Variants in NCAPD3 observed in about 807,000 individuals in gnomAD.
The protein encoded by NCAPD3 is condensin-2 complex subunit D3.
NCAPD3 carries 105 observed loss-of-function variants against 182.9 expected under a neutral mutation model. The ratio of observed to expected loss-of-function variants is 0.57; its 90% confidence interval spans 0.49 to 0.68. The LOEUF is 0.68. NCAPD3 is among the 30% of genes least tolerant of loss of function. The pLI is 0.00. For missense variants in NCAPD3, 1,944 were observed against 1,837.0 expected (o/e 1.06, Z -1.07); for synonymous variants, 815 against 679.9 (o/e 1.20, Z -3.09).
At chr11:134,158,147 T>A in intron 30 of NCAPD3, 80 bp from the exon 31 acceptor site, 1 of 1,552,056 alleles carries the variant, frequency 6.4e-7, no homozygotes, top group Non-Finnish European at 8.8e-7. Flanking sequence ...TGTCCCCGCG[T>A]GCCTCCTCAC....
intron 27 of NCAPD3, among the ~76,000 whole-genome samples, chr11:134,165,391 G>T (rs552388273): frequency 6.7e-6 from 1 of 149,914 alleles, no homozygotes; most frequent in Non-Finnish European, 1.5e-5. Context: ...CTTCGGGGAA[G>T]GGGCACACTT....
chr11:134,179,342 C>CT (rs1944242624), intron 20 of NCAPD3, among the ~76,000 whole-genome samples: 1 of 152,112 alleles, frequency 6.6e-6, no homozygotes, highest in Admixed American at 6.5e-5. Flanking sequence ...TTTATGTTTA[C>CT]TTTTCTTATA....
intron 6 of NCAPD3, 60 bp from the exon 7 acceptor site, chr11:134,209,011 G>C (rs1241622271): frequency 2.0e-6 from 3 of 1,465,656 alleles, no homozygotes; most frequent in Non-Finnish European, 2.8e-6. Flanking sequence ...ATATTTCTTA[G>C]TCCTACAAGC....
chr11:134,184,574 CACAT>C (rs1212217237), intron 19 of NCAPD3, 59 bp downstream of exon 19: 4 of 1,178,584 alleles, frequency 3.4e-6, no homozygotes, highest in Non-Finnish European at 4.8e-6. Flanking sequence ...CACTTCAAAA[CACAT>C]ACAGTAACAT....
intron 23 of NCAPD3, 66 bp downstream of exon 23, chr11:134,177,153 T>A: frequency 3.2e-6 from 4 of 1,261,820 alleles, no homozygotes; most frequent in Non-Finnish European, 4.6e-6. Context: ...CCTATGCTAC[T>A]CAAATATTCC....
At position 134,157,724 on chromosome 11, in the gene NCAPD3, GGTGA is replaced by G. The variant is rs550573726; in HGVS notation, c.4174+200_4174+203del. ...GAGGAAGGAATGCCTCACTGCTATG[GGTGA>G]GTTTCATATTTCACTCTATTTTCCA... On this transcript the variant is annotated intron_variant, in intron 31 of 34. Transcript: ENST00000534548. Among the ~76,000 whole-genome samples, 38 of 152,280 alleles carry G rather than the reference GGTGA, an allele frequency of 2.5e-4. No homozygotes were observed. In the South Asian group the frequency reaches 6.2e-3, roughly 25 times the overall value.
At chr11:134,169,830 AAACT>A (rs1447456877) in intron 24 of NCAPD3, among the ~76,000 whole-genome samples, 1 of 152,244 alleles carries the variant, frequency 6.6e-6, no homozygotes, top group African/African-American at 2.4e-5. Context: ...CTCAGGGGTC[AAACT>A]AACATGGTGC....
chr11:134,190,340 A>G (rs1220266605), intron 16 of NCAPD3, among the ~76,000 whole-genome samples: 1 of 152,210 alleles, frequency 6.6e-6, no homozygotes, highest in Non-Finnish European at 1.5e-5. Context: ...GCTTTCAGTC[A>G]TCTCAGTTAA....
chr11:134,165,776 C>G (rs541514689), intron 27 of NCAPD3, among the ~76,000 whole-genome samples: 1 of 145,398 alleles, frequency 6.9e-6, no homozygotes, highest in Non-Finnish European at 1.5e-5. Context: ...GAGGTACACA[C>G]TCGTGAGAGG....
intron 25 of NCAPD3, 53 bp downstream of exon 25, chr11:134,168,864 T>A: frequency 6.4e-7 from 1 of 1,572,236 alleles, no homozygotes; most frequent in Non-Finnish European, 8.6e-7. Flanking sequence ...CTCCCCTGAT[T>A]CCCCCAGCTC....
chr11:134,185,472 G>C lies in NCAPD3; in HGVS notation c.2100C>G (p.Pro700=). 1 of 1,612,364 alleles carries C rather than the reference G, an allele frequency of 6.2e-7. No individual in the cohort carries two copies. The highest frequency in any genetic ancestry group is 1.1e-5 in the South Asian group (1 of 90,622). ...GAGATATTACATTGTTTATAAAAGT[G>C]GGTGAGAATTTTTCTTTCTTGGACC... ...HIWSKKEKFS[P]TFINNVISHT... is the part of the protein sequence containing the mutation. Residue 700 remains proline (P), a synonymous_variant, in exon 17 of 35, where the codon CCC becomes CCG. Coordinates refer to ENST00000534548, the MANE Select transcript of NCAPD3 (RefSeq NM_015261.3).
At chr11:134,224,245 A>G (rs1021956248), upstream of NCAPD3, 5 of 497,544 alleles carry the variant, frequency 1.0e-5, no homozygotes, top group Non-Finnish European at 1.1e-5. Flanking sequence ...GGGAAAATCT[A>G]AAGGGTATCT....
intron 27 of NCAPD3, among the ~76,000 whole-genome samples, chr11:134,163,422 G>A (rs1407546599): frequency 1.3e-5 from 2 of 152,076 alleles, no homozygotes; most frequent in African/African-American, 4.8e-5. Context: ...CTGCTGGGCT[G>A]GGTGTGGTGG....
intron 32 of NCAPD3, among the ~76,000 whole-genome samples, chr11:134,154,487 C>A (rs1260496415): frequency 1.3e-5 from 2 of 150,320 alleles, no homozygotes; most frequent in Admixed American, 6.6e-5. Context: ...ACCCCCCCCC[C>A]CACCGCCCCA....
At chr11:134,165,998 A>T (rs1440149901) in intron 27 of NCAPD3, among the ~76,000 whole-genome samples, 3 of 99,976 alleles carry the variant, frequency 3.0e-5, no homozygotes, top group Non-Finnish European at 5.8e-5. Flanking sequence ...TAGGGAGAGC[A>T]GCACACTCAC....
Position 134,178,620 on chromosome 11 carries a change from C to A in NCAPD3, c.2782+14G>T. ...AGAACGATGTCAAGCCCCATTCTCC[C>A]ATGTTTTTCTTACCTAAGGTAATGA... On this transcript the variant is annotated intron_variant, in intron 22 of 34. Coordinates refer to ENST00000534548, the MANE Select transcript of NCAPD3 (RefSeq NM_015261.3). 1.3e-6 allele frequency: 2 copies of A among 1,517,358 alleles called. No individual in the cohort carries two copies. Among genetic ancestry groups the A allele is most frequent in the South Asian group, 1.3e-5 (1 of 76,568 alleles). The allele number at this position is 1,517,358 out of a possible 1,614,324, so 94.0% of individuals were successfully genotyped here.
At chr11:134,207,602 G>A (rs970739009) in intron 7 of NCAPD3, among the ~76,000 whole-genome samples, 1 of 151,986 alleles carries the variant, frequency 6.6e-6, no homozygotes, top group Admixed American at 6.6e-5. Flanking sequence ...AATTAGCTGG[G>A]CATGGTGGCG....
At position 134,204,177 on chromosome 11, in the gene NCAPD3, A is replaced by G. The variant is rs1157987661; in HGVS notation, c.1090-6T>C. ...TACTCTGATTTATCTACCACCTGAA[A>G]AGCAAAAAGAGAAGTTGACCAACCA... On this transcript the variant is annotated splice_region_variant and splice_polypyrimidine_tract_variant and intron_variant, in intron 9 of 34. Transcript: ENST00000534548. This position sits in a 1 kb window ranked among gnomAD's most constrained non-coding sequence, Gnocchi z 4.3. 2.5e-6 allele frequency: 4 copies of G among 1,612,140 alleles called. No individual in the cohort carries two copies. The highest frequency in any genetic ancestry group is 2.5e-6 in the Non-Finnish European group (3 of 1,179,306).
chr11:134,174,867 C>T (rs560848960), intron 24 of NCAPD3, among the ~76,000 whole-genome samples: 43 of 152,162 alleles, frequency 2.8e-4, no homozygotes, highest in Middle Eastern at 3.4e-3. Context: ...AATTATTACA[C>T]GTCAAATAAA....
Sources: allele counts gnomAD v4.1 joint callset (sites outside exome capture counted in the v4.1 genomes callset), GRCh38; gene constraint gnomAD v4.1.1; non-coding constraint Gnocchi (gnomAD v3.1); transcripts MANE v1.5; gene names NCBI Gene and HGNC (gene_info 2026-07-23, HGNC 2026-07-21).